GUCY1A1: variants seen among roughly 807,000 people sequenced by gnomAD.
The protein encoded by GUCY1A1 is guanylate cyclase 1 soluble subunit alpha 1.
A neutral mutation model predicts 64.5 loss-of-function variants in GUCY1A1; 48 were observed. The observed-to-expected ratio is 0.74, with a 90% CI of 0.59 to 0.95. The LOEUF (loss-of-function observed/expected upper bound fraction) is 0.95, where lower values mean the gene tolerates loss of function less well. Ranked by LOEUF, GUCY1A1 falls within the 40% of genes least tolerant of loss-of-function variation. The pLI is 0.00. For missense variants in GUCY1A1, 804 were observed against 825.3 expected, an observed-to-expected ratio of 0.97 and a Z score of 0.32; for synonymous variants, 308 against 303.4, an observed-to-expected ratio of 1.02 and a Z score of -0.16.
chr4:155,713,106 C>A lies in GUCY1A1; in HGVS notation c.1095C>A (p.Asp365Glu). Residue 365 changes from aspartate (D) to glutamate (E), a missense_variant, in exon 7 of 10, where the codon GAC becomes GAA. Physicochemically the swap from Asp to Glu is conservative, Grantham distance 45. Transcript: ENST00000506455. ...TATCCTTTCCTTCATAGGTTATGGA[C>A]CTCAAAGGCCAAATGATCTACATTG... is the stretch of plus-strand genomic sequence containing the variant. The part of the protein sequence containing the change: ...NSVKKSSRVM[D>E]LKGQMIYIVE... 6.2e-7 allele frequency: 1 copy of A among 1,609,248 alleles called. No individual in the cohort carries two copies. The highest frequency in any genetic ancestry group is 8.5e-7 in the Non-Finnish European group (1 of 1,177,180).
At chr4:155,672,673 T>C (rs1734306036) in intron 2 of GUCY1A1, among the ~76,000 whole-genome samples, 1 of 152,246 alleles carries the variant, frequency 6.6e-6, no homozygotes, top group South Asian at 2.1e-4. Context: ...GCCATGTTTT[T>C]AATCATCTCT....
intron 2 of GUCY1A1, among the ~76,000 whole-genome samples, chr4:155,688,067 CAAAA>C (rs937238185): frequency 6.9e-6 from 1 of 144,854 alleles, no homozygotes; most frequent in Non-Finnish European, 1.5e-5. Context: ...ACTAAAAATA[CAAAA>C]AAAAAAATTA....
intron 3 of GUCY1A1, among the ~76,000 whole-genome samples, chr4:155,697,692 G>A (rs1730592579): frequency 6.6e-6 from 1 of 152,086 alleles, no homozygotes; most frequent in Admixed American, 6.5e-5. Flanking sequence ...TTTCTCCCTT[G>A]GGTCGGAGTC....
chr4:155,719,317 T>C (rs1733666140), intron 8 of GUCY1A1, among the ~76,000 whole-genome samples: 1 of 152,112 alleles, frequency 6.6e-6, no homozygotes, highest in South Asian at 2.1e-4. Context: ...CGGTGAAACA[T>C]CACAGAGGCA....
intron 9 of GUCY1A1, among the ~76,000 whole-genome samples, chr4:155,727,079 A>G (rs1734790719): frequency 6.6e-6 from 1 of 152,008 alleles, no homozygotes; most frequent in Non-Finnish European, 1.5e-5. Context: ...CAAAGTGAAT[A>G]AAGGAATATA....
At chr4:155,707,161 GT>G (rs1460481875) in intron 4 of GUCY1A1, among the ~76,000 whole-genome samples, 1 of 152,058 alleles carries the variant, frequency 6.6e-6, no homozygotes, top group African/African-American at 2.4e-5. Flanking sequence ...GTTTTTCTTG[GT>G]TATCAGAATT....
At chr4:155,717,893 A>C (rs967452381) in intron 8 of GUCY1A1, among the ~76,000 whole-genome samples, 11 of 152,196 alleles carry the variant, frequency 7.2e-5, no homozygotes, top group African/African-American at 2.4e-4. Context: ...CTGATTTACC[A>C]AGCCTAACTG....
chr4:155,712,508 G>T (rs1281693975), intron 6 of GUCY1A1, among the ~76,000 whole-genome samples: 1 of 152,100 alleles, frequency 6.6e-6, no homozygotes, highest in African/African-American at 2.4e-5. Context: ...AAACCTTCTT[G>T]TGGTCCAGGA....
rs568450108 is a variant in GUCY1A1, at chr4:155,712,226, G to A, written c.1087-872G>A. Among the ~76,000 whole-genome samples, 42 of 152,250 alleles carry A rather than the reference G, an allele frequency of 2.8e-4. 2 individuals are homozygous for A. The highest frequency in any genetic ancestry group is 9.9e-4 in the African/African-American group (41 of 41,550). On this transcript the variant is annotated intron_variant, in intron 6 of 9. Transcript: ENST00000506455. ...GCTCACTGCAACCTCCAACTCCGGG[G>A]TTCAAGCAGTTCTCCCCGCTTCAGC...
At chr4:155,723,439 C>T (rs916780015) in intron 9 of GUCY1A1, among the ~76,000 whole-genome samples, 11 of 151,960 alleles carry the variant, frequency 7.2e-5, no homozygotes, top group Admixed American at 3.3e-4. Flanking sequence ...CACCTTTAAC[C>T]GGAAAATAAA....
At position 155,735,703 on chromosome 4, in the gene GUCY1A1, G is replaced by A. The variant is rs1420820181; in HGVS notation, c.*5472G>A. The A allele has an allele frequency of 6.6e-6, 1 of 151,918 alleles. No individual in the cohort carries two copies. The highest frequency in any genetic ancestry group is 2.4e-5 in the African/African-American group (1 of 41,400). The allele number at this position is 151,918 out of a possible 1,614,324, so 9.4% of individuals were successfully genotyped here. The stretch of plus-strand genomic sequence containing the variant: ...ATGCTGCCAAATCCATCTGTATTGA[G>A]GAAAGAGCTATGAGGTAGTTTCAGA... On this transcript the variant is annotated 3_prime_UTR_variant, in exon 10 of 10. Coordinates refer to ENST00000506455, the MANE Select transcript of GUCY1A1 (RefSeq NM_001130682.3).
intron 7 of GUCY1A1, among the ~76,000 whole-genome samples, chr4:155,715,942 T>C (rs4691869): frequency 0.35 from 52,808 of 151,888 alleles, 9,530 homozygotes; most frequent in East Asian, 0.52. Context: ...GGGCAGTGGG[T>C]AAGGGGTGAT....
intron 9 of GUCY1A1, among the ~76,000 whole-genome samples, chr4:155,729,633 A>G (rs1172658867): frequency 1.3e-5 from 2 of 151,840 alleles, no homozygotes; most frequent in Non-Finnish European, 2.9e-5. Context: ...AATATTTACA[A>G]AATTAATGAA....
At chr4:155,716,382 T>G (rs1283876654) in intron 7 of GUCY1A1, among the ~76,000 whole-genome samples, 1 of 152,122 alleles carries the variant, frequency 6.6e-6, no homozygotes, top group Non-Finnish European at 1.5e-5. Flanking sequence ...GCTCTTAGAA[T>G]TAGGGGGTTA....
chr4:155,675,856 A>G (rs1734832816), intron 2 of GUCY1A1, among the ~76,000 whole-genome samples: 1 of 151,538 alleles, frequency 6.6e-6, no homozygotes, highest in East Asian at 1.9e-4. Context: ...TAGACTGGTT[A>G]CCACCTATGG....
chr4:155,717,216 A>C lies in GUCY1A1; in HGVS notation c.1630A>C (p.Thr544Pro), dbSNP rs766750348. Residue 544 changes from threonine to proline, a missense_variant, in exon 8 of 10, where the codon ACT (threonine) becomes CCT (proline). Coordinates refer to ENST00000506455, the MANE Select transcript of GUCY1A1 (RefSeq NM_001130682.3). ...TGGGGGATTACACAAAGAGAGTGAT[A>C]CTCATGCTGTTCAGATAGCGCTGAT... ...VAGGLHKESD[T>P]HAVQIALMAL... 6.3e-7 allele frequency: 1 copy of C among 1,592,750 alleles called. No individual in the cohort carries two copies.
Position 155,696,960 on chromosome 4 carries a change from G to A in GUCY1A1, c.93G>A (p.Glu31=), listed in dbSNP as rs747770377. 4.3e-6 allele frequency: 7 copies of A among 1,613,442 alleles called. No homozygotes were observed. The South Asian group carries it at 4.4e-5, about 10-fold the overall frequency. Residue 31 remains glutamate, a synonymous_variant, in exon 3 of 10, where the codon GAG becomes GAA. Coordinates refer to ENST00000506455, the MANE Select transcript of GUCY1A1 (RefSeq NM_001130682.3). ...APGQVPNESS[E]EAAGSSESCK... ...GTCAAGTTCCTAACGAGTCTTCAGAGGAGGCAGCAGGAAGCTCAGAGAGCT... is the reference window on the plus strand; with the variant it reads ...GTCAAGTTCCTAACGAGTCTTCAGAAGAGGCAGCAGGAAGCTCAGAGAGCT...
rs185805100 is a variant in GUCY1A1, at chr4:155,713,008, G to A, written c.1087-90G>A. On this transcript the variant is annotated intron_variant, in intron 6 of 9. Coordinates refer to ENST00000506455, the MANE Select transcript of GUCY1A1 (RefSeq NM_001130682.3). ...TTTTCAGCAGGTTTAAACACAAAGG[G>A]TTTATTACTGTATCTACTTCCCCTT... The A allele has an allele frequency of 6.3e-3, 6,975 of 1,111,038 alleles. 45 individuals carry two copies. The highest frequency in any genetic ancestry group is 0.014 in the Middle Eastern group (48 of 3,550). 68.8% of individuals were successfully genotyped at this position (1,111,038 alleles called of 1,614,324 possible). A position where few individuals can be genotyped will look rare whatever the true frequency, so the allele number is the denominator to read the frequency against.
chr4:155,692,536 A>C (rs1729882550), intron 2 of GUCY1A1, among the ~76,000 whole-genome samples: 2 of 152,260 alleles, frequency 1.3e-5, no homozygotes, highest in South Asian at 4.1e-4. Flanking sequence ...TTTGATTTGC[A>C]TTTCTCTAAT....
Sources: allele counts gnomAD v4.1 joint callset (sites outside exome capture counted in the v4.1 genomes callset), GRCh38; gene constraint gnomAD v4.1.1; transcripts MANE v1.5; gene names NCBI Gene and HGNC (gene_info 2026-07-23, HGNC 2026-07-21).